Variants in TRIM9 observed in about 807,000 individuals in gnomAD.
TRIM9 encodes the protein E3 ubiquitin-protein ligase TRIM9.
In TRIM9, 26 loss-of-function variants were observed where a neutral mutation model predicts 78.3. The observed-to-expected ratio is 0.33, with a 90% CI of 0.24 to 0.46. TRIM9 has a LOEUF of 0.46. Ranked by LOEUF, TRIM9 falls within the 20% of genes least tolerant of loss-of-function variation. The pLI is 1.00. For synonymous variants in TRIM9, 398 were observed against 416.5 expected, an observed-to-expected ratio of 0.96 and a Z score of 0.54; for missense variants, 787 against 1,036.4, an observed-to-expected ratio of 0.76 and a Z score of 3.30.
Position 51,010,511 on chromosome 14 carries a change from A to T in TRIM9, c.1042-17T>A. On this transcript the variant is annotated splice_polypyrimidine_tract_variant and intron_variant, in intron 3 of 12. Coordinates refer to ENST00000684578, the MANE Select transcript of TRIM9 (RefSeq NM_001387360.1). ...TCGAACCACCTAGGATTAAAAAAAA[A>T]ACAACAGAACAGTCCAAGATGGCAG... 1 of 1,591,642 alleles carries T rather than the reference A, an allele frequency of 6.3e-7. No homozygotes were observed. The highest frequency in any genetic ancestry group is 8.6e-7 in the Non-Finnish European group (1 of 1,163,664).
At chr14:51,010,031 T>C (rs771768873) in intron 4 of TRIM9, among the ~76,000 whole-genome samples, 1 of 151,466 alleles carries the variant, frequency 6.6e-6, no homozygotes, top group Non-Finnish European at 1.5e-5. Flanking sequence ...GAGATATTAA[T>C]GAATAAGGAC....
intron 1 of TRIM9, among the ~76,000 whole-genome samples, chr14:51,062,194 A>T (rs1478187327): frequency 6.6e-6 from 1 of 152,134 alleles, no homozygotes; most frequent in Non-Finnish European, 1.5e-5. Flanking sequence ...TCAACTGTTT[A>T]TGCATGTTAT....
At chr14:51,069,350 A>G (rs982478331) in intron 1 of TRIM9, among the ~76,000 whole-genome samples, 3 of 152,218 alleles carry the variant, frequency 2.0e-5, no homozygotes, top group Non-Finnish European at 4.4e-5. Context: ...GGCAATGTCT[A>G]CAGGCAATTT....
At chr14:51,062,241 T>C (rs764414955) in intron 1 of TRIM9, among the ~76,000 whole-genome samples, 1 of 152,234 alleles carries the variant, frequency 6.6e-6, no homozygotes, top group Non-Finnish European at 1.5e-5. Context: ...ATGCTTACTA[T>C]ATTTATTTTG....
intron 1 of TRIM9, among the ~76,000 whole-genome samples, chr14:51,066,566 G>A (rs1382482928): frequency 6.6e-6 from 1 of 152,064 alleles, no homozygotes; most frequent in Non-Finnish European, 1.5e-5. Flanking sequence ...CCATGGCTTC[G>A]AATCATGTAT....
At chr14:51,040,736 C>T (rs1378335266) in intron 1 of TRIM9, among the ~76,000 whole-genome samples, 2 of 152,176 alleles carry the variant, frequency 1.3e-5, no homozygotes, top group Admixed American at 1.3e-4. Flanking sequence ...GTTTGAGAAG[C>T]GTGTGAACCT....
chr14:51,053,208 T>C (rs1175263823), intron 1 of TRIM9, among the ~76,000 whole-genome samples: 1 of 149,820 alleles, frequency 6.7e-6, no homozygotes, highest in Non-Finnish European at 1.5e-5. Context: ...ATCTATAGAG[T>C]AAAAACAAAA....
At position 50,976,860 on chromosome 14, in the gene TRIM9, CT is replaced by C. The variant is rs1237700899; in HGVS notation, c.*430del. 2 of 153,598 alleles carry C rather than the reference CT, an allele frequency of 1.3e-5. No homozygotes were observed. Among genetic ancestry groups the C allele is most frequent in the African/African-American group, 4.8e-5 (2 of 41,498 alleles). 9.5% of individuals were successfully genotyped at this position (153,598 alleles called of 1,614,324 possible). A position where few individuals can be genotyped will look rare whatever the true frequency, so the allele number is the denominator to read the frequency against. On this transcript the variant is annotated 3_prime_UTR_variant, in exon 13 of 13. Coordinates refer to ENST00000684578, the MANE Select transcript of TRIM9 (RefSeq NM_001387360.1). ...TCAGCTCATTCTTCCCTACCTCCCC[CT>C]ACAACCTCATTGTTTGACAGAAAGC...
intron 3 of TRIM9, among the ~76,000 whole-genome samples, chr14:51,017,581 C>A (rs2057337573): frequency 6.6e-6 from 1 of 152,200 alleles, no homozygotes; most frequent in African/African-American, 2.4e-5. Context: ...CAGTCCCAAC[C>A]ACACAGGAGA....
rs139476999 is a variant in TRIM9, at chr14:50,998,066, G to T, written c.1587C>A (p.Val529=). ...TGVSPYSKTL[V]LQTSEDTDSE... ...GGGCCTTACCCTCAGACGTTTGGAGGACCAGGGTCTTGCTGTACGGGCTGA... is the reference window on the plus strand; with the variant it reads ...GGGCCTTACCCTCAGACGTTTGGAGTACCAGGGTCTTGCTGTACGGGCTGA... The change falls in exon 7 of 13, where the codon GTC becomes GTA. Residue 529 remains valine (V), a synonymous_variant. Coordinates refer to ENST00000684578, the MANE Select transcript of TRIM9 (RefSeq NM_001387360.1). 3.3e-5 allele frequency: 53 copies of T among 1,614,098 alleles called. No individual in the cohort carries two copies. In the African/African-American group the frequency reaches 4.3e-4, roughly 13 times the overall value.
chr14:51,076,960 TAGG>T (rs1283262118), intron 1 of TRIM9, among the ~76,000 whole-genome samples: 3 of 152,330 alleles, frequency 2.0e-5, no homozygotes, highest in African/African-American at 4.8e-5. Context: ...ATGGTTTTAT[TAGG>T]AGAAGACCTC....
At chr14:51,050,828 C>A (rs2060355516) in intron 1 of TRIM9, among the ~76,000 whole-genome samples, 1 of 152,030 alleles carries the variant, frequency 6.6e-6, no homozygotes, top group South Asian at 2.1e-4. Flanking sequence ...CATTGGATCT[C>A]AGCCAGCACC....
chr14:51,032,646 C>T (rs1255692653), intron 1 of TRIM9, among the ~76,000 whole-genome samples: 4 of 152,226 alleles, frequency 2.6e-5, no homozygotes, highest in African/African-American at 9.6e-5. Flanking sequence ...CTACCAAGAG[C>T]ACACAACAAC....
In TRIM9 at chr14:51,094,995, G is replaced by C; in HGVS notation, c.-56C>G. On this transcript the variant is annotated 5_prime_UTR_variant, in exon 1 of 13. Coordinates refer to ENST00000684578, the MANE Select transcript of TRIM9 (RefSeq NM_001387360.1). ...CTGCAGCGGGTGCCTGAGCTGGCGA[G>C]GTGGCCGACGGGCCCGTCTTGTCCA... The C allele has an allele frequency of 7.6e-7, 1 of 1,307,700 alleles. No individual in the cohort carries two copies. Among genetic ancestry groups the C allele is most frequent in the Non-Finnish European group, 9.9e-7 (1 of 1,007,640 alleles). The allele number at this position is 1,307,700 out of a possible 1,614,324, so 81.0% of individuals were successfully genotyped here. A position where few individuals can be genotyped will look rare whatever the true frequency, so the allele number is the denominator to read the frequency against.
At chr14:51,060,018 T>C (rs2140147200) in intron 1 of TRIM9, among the ~76,000 whole-genome samples, 1 of 152,362 alleles carries the variant, frequency 6.6e-6, no homozygotes, top group East Asian at 1.9e-4. Context: ...TCAAGGTTTC[T>C]GTAGGTCATT....
chr14:51,040,837 G>A (rs528209563), intron 1 of TRIM9, among the ~76,000 whole-genome samples: 25 of 152,082 alleles, frequency 1.6e-4, no homozygotes, highest in Non-Finnish European at 3.5e-4. Context: ...TAACTCTTCC[G>A]CTTACTACCA....
intron 7 of TRIM9, among the ~76,000 whole-genome samples, chr14:50,992,852 G>A (rs895376512): frequency 1.3e-5 from 2 of 152,156 alleles, no homozygotes; most frequent in Non-Finnish European, 2.9e-5. Context: ...TTAGAAAGCA[G>A]TTTTTAAGAT....
At chr14:51,029,326 T>TGACCCAGCTGCCTCCACGG in intron 1 of TRIM9, among the ~76,000 whole-genome samples, 1 of 151,988 alleles carries the variant, frequency 6.6e-6, no homozygotes, top group East Asian at 1.9e-4. Flanking sequence ...GCTCAGAAAA[T>TGACCCAGCTGCCTCCACGG]GACCCAGCTG....
intron 1 of TRIM9, among the ~76,000 whole-genome samples, chr14:51,068,711 T>A (rs72687161): frequency 0.2 from 30,790 of 151,972 alleles, 3,237 homozygotes; most frequent in Non-Finnish European, 0.23. Context: ...AGAATAAGGA[T>A]GTAAAGTTAT....
Sources: allele counts gnomAD v4.1 joint callset (sites outside exome capture counted in the v4.1 genomes callset), GRCh38; gene constraint gnomAD v4.1.1; transcripts MANE v1.5; gene names NCBI Gene and HGNC (gene_info 2026-07-23, HGNC 2026-07-21).